The following GTF3C5 variants were observed in gnomAD, a reference collection of about 807,000 sequenced individuals.
GTF3C5 encodes the protein general transcription factor IIIC subunit 5.
In GTF3C5, 47 loss-of-function variants were observed where a neutral mutation model predicts 61.0. That is an observed-to-expected ratio of 0.77 (90% CI 0.61 to 0.98). The LOEUF is 0.98. Ranked by LOEUF, GTF3C5 falls within the 50% of genes least tolerant of loss-of-function variation. The pLI, the probability that GTF3C5 is intolerant of heterozygous loss-of-function variation, is 0.00. For synonymous variants in GTF3C5, 295 were observed against 275.4 expected, an observed-to-expected ratio of 1.07 and a Z score of -0.71; for missense variants, 659 against 703.3, an observed-to-expected ratio of 0.94 and a Z score of 0.71.
intron 6 of GTF3C5, 149 bp from the exon 7 acceptor site, chr9:133,054,259 T>C (rs1721150014): frequency 1.5e-6 from 1 of 656,456 alleles, no homozygotes; most frequent in Admixed American, 2.5e-5. Context: ...TGAGATGTGT[T>C]GGTGACCGCA....
At chr9:133,053,292 A>G (rs1050297799) in intron 5 of GTF3C5, among the ~76,000 whole-genome samples, 1 of 152,096 alleles carries the variant, frequency 6.6e-6, no homozygotes, top group East Asian at 1.9e-4. Flanking sequence ...ATCCTCTGAA[A>G]AACCATGGGA....
At position 133,043,933 on chromosome 9, in the gene GTF3C5, C is replaced by T. The variant is rs747256128; in HGVS notation, c.572+7C>T. ...GACCAGAGACCCAGCACCGGTAAGG[C>T]CCCCCTCCATGCAGCCTCGGTTCTC... On this transcript the variant is annotated splice_region_variant and intron_variant, in intron 3 of 10. Transcript: ENST00000372097. 2 of 1,605,684 alleles carry T rather than the reference C, an allele frequency of 1.2e-6. No individual in the cohort carries two copies. The highest frequency in any genetic ancestry group is 2.7e-5 in the African/African-American group (2 of 74,864).
At chr9:133,049,960 A>G (rs1850321754) in intron 3 of GTF3C5, among the ~76,000 whole-genome samples, 1 of 152,136 alleles carries the variant, frequency 6.6e-6, no homozygotes, top group African/African-American at 2.4e-5. Context: ...CGTAGTTGAC[A>G]TTGGGGTTCC....
chr9:133,046,396 G>A (rs1402699808), intron 3 of GTF3C5, among the ~76,000 whole-genome samples: 1 of 152,154 alleles, frequency 6.6e-6, no homozygotes. Context: ...CCCATGCCCA[G>A]GTGCCTCCCT....
chr9:133,057,673 C>G (rs1588483506), intron 10 of GTF3C5, 141 bp from the exon 11 acceptor site: 1 of 707,342 alleles, frequency 1.4e-6, no homozygotes, highest in East Asian at 2.9e-5. Context: ...GGCCTCCACC[C>G]CATACTTACC....
rs1366935743 is a variant in GTF3C5, at chr9:133,056,883, G to C, written c.1368G>C (p.Arg456=). 10 of 1,606,338 alleles carry C rather than the reference G, an allele frequency of 6.2e-6. No homozygotes were observed. The highest frequency in any genetic ancestry group is 8.5e-6 in the Non-Finnish European group (10 of 1,176,468). ...ELRDTMSLMI[R]QTIRSKRPAL... is the part of the protein sequence containing the mutation. ...GGGACACCATGTCCCTCATGATCCG[G>C]CAGACCATCCGCTCCAAGAGGCCTG... The change falls in exon 10 of 11, where the codon CGG becomes CGC. Residue 456 remains arginine (R), a synonymous_variant. Transcript: ENST00000372097.
rs1239798685 is a variant in GTF3C5, at chr9:133,055,403, G to A, written c.1167+594G>A. 5 of 1,287,172 alleles carry A rather than the reference G, an allele frequency of 3.9e-6. No individual in the cohort carries two copies. The African/African-American group carries it at 6.0e-5, about 16-fold the overall frequency. The allele number at this position is 1,287,172 out of a possible 1,614,324, so 79.7% of individuals were successfully genotyped here. A position where few individuals can be genotyped will look rare whatever the true frequency, so the allele number is the denominator to read the frequency against. ...CAGAGACGGGTGATGCGAGGGACTTGCTGTCCCCCAGTGTCTGGGGCCCTG... is the reference window on the plus strand; with the variant it reads ...CAGAGACGGGTGATGCGAGGGACTTACTGTCCCCCAGTGTCTGGGGCCCTG... On this transcript the variant is annotated intron_variant, in intron 8 of 10. Transcript: ENST00000372097.
chr9:133,042,174 ACC>A lies in GTF3C5; in HGVS notation c.242_243del (p.Thr81LysfsTer21). ...CCCAGTGTGCGCCAACCGCTTCAGT[ACC>A]AGCAGCCTGCTGCTCCGCATCAGGA... ...CHPVCANRFS[T>X]SSLLLRIRKR... On this transcript the variant is annotated frameshift_variant, in exon 2 of 11. Transcript: ENST00000372097. LOFTEE classifies it high-confidence loss of function. 6.2e-7 allele frequency: 1 copy of A among 1,614,054 alleles called. No homozygotes were observed. The highest frequency in any genetic ancestry group is 8.5e-7 in the Non-Finnish European group (1 of 1,179,924).
rs1423087409 is a variant in GTF3C5, at chr9:133,058,090, C to T, written c.*110C>T. The T allele has an allele frequency of 6.5e-7, 1 of 1,545,052 alleles. No homozygotes were observed. The highest frequency in any genetic ancestry group is 8.7e-7 in the Non-Finnish European group (1 of 1,150,158). ...AGTGCCCGGAATGGCCCTAGGAGGC[C>T]CTCTGAGGAGAGCTAGAGTCCCAGC... On this transcript the variant is annotated 3_prime_UTR_variant, in exon 11 of 11. Transcript: ENST00000372097.
intron 3 of GTF3C5, 106 bp downstream of exon 3, chr9:133,044,032 C>G (rs777596444): frequency 3.7e-6 from 3 of 800,004 alleles, no homozygotes; most frequent in Non-Finnish European, 6.0e-6. Context: ...GTAATTCCAG[C>G]TACTCGGGAG....
chr9:133,031,165 G>T lies in GTF3C5; in HGVS notation c.153+1G>T. The T allele has an allele frequency of 6.4e-7, 1 of 1,566,904 alleles. No homozygotes were observed. ...GGGCGGCGAGGAAGGCGTCTCCCGG[G>T]TAAGGGGCTGGGAATCTCGGTGTTG... On this transcript the variant is annotated splice_donor_variant, in intron 1 of 10. Transcript: ENST00000372097. LOFTEE classifies it high-confidence loss of function.
chr9:133,049,457 A>T (rs918952052), intron 3 of GTF3C5, among the ~76,000 whole-genome samples: 3 of 152,238 alleles, frequency 2.0e-5, no homozygotes, highest in African/African-American at 7.2e-5. Context: ...GATGCTATGT[A>T]CTCATGTAGA....
chr9:133,038,617 A>AT (rs1325805618), intron 1 of GTF3C5, among the ~76,000 whole-genome samples: 3 of 148,074 alleles, frequency 2.0e-5, no homozygotes, highest in African/African-American at 5.0e-5. Context: ...CGCCCGGCTA[A>AT]TTTTTGTTTT....
In GTF3C5 at chr9:133,053,905, A is replaced by G. The variant is rs1829836953; in HGVS notation, c.951A>G (p.Gln317=). ...AAAACCCAGATGCCAAGATTTATCA[A>G]GTCCTCGATTTCCGAATCCGTTGTG... The part of the protein sequence containing the change: ...PRKNPDAKIY[Q]VLDFRIRCGM... Residue 317 remains glutamine, a synonymous_variant, in exon 6 of 11, where the codon CAA becomes CAG. Transcript: ENST00000372097. The G allele has an allele frequency of 6.2e-7, 1 of 1,613,058 alleles. No homozygotes were observed. Among genetic ancestry groups the G allele is most frequent in the African/African-American group, 1.3e-5 (1 of 74,946 alleles).
At chr9:133,057,390 T>C (rs949712288) in intron 10 of GTF3C5, among the ~76,000 whole-genome samples, 1 of 152,144 alleles carries the variant, frequency 6.6e-6, no homozygotes, top group Non-Finnish European at 1.5e-5. Flanking sequence ...GGGGGAGTTA[T>C]AAGAGGCCCC....
At chr9:133,057,258 T>G (rs2119042436) in intron 10 of GTF3C5, among the ~76,000 whole-genome samples, 1 of 152,350 alleles carries the variant, frequency 6.6e-6, no homozygotes, top group South Asian at 2.1e-4. Context: ...TGCCTCTGTC[T>G]TCTTCCTGTT....
At chr9:133,030,919 G>T (rs759802016), upstream of GTF3C5, 46 of 1,417,352 alleles carry the variant, frequency 3.2e-5, no homozygotes, top group Non-Finnish European at 4.2e-5. Context: ...CGGTGAGGGA[G>T]CCCGGAACGA....
chr9:133,040,555 A>T (rs1371654679), intron 1 of GTF3C5, among the ~76,000 whole-genome samples: 1 of 152,230 alleles, frequency 6.6e-6, no homozygotes, highest in Non-Finnish European at 1.5e-5. Flanking sequence ...AAGGAGAGGG[A>T]CCAAAAAGAG....
intron 1 of GTF3C5, among the ~76,000 whole-genome samples, chr9:133,033,138 C>G (rs550527092): frequency 1.3e-5 from 2 of 152,216 alleles, no homozygotes; most frequent in South Asian, 4.1e-4. Context: ...TTATAGTTAA[C>G]CACCAGAAAA....
Sources: allele counts gnomAD v4.1 joint callset (sites outside exome capture counted in the v4.1 genomes callset), GRCh38; gene constraint gnomAD v4.1.1; transcripts MANE v1.5; gene names NCBI Gene and HGNC (gene_info 2026-07-23, HGNC 2026-07-21).